Variants in NPY2R observed in about 807,000 individuals in gnomAD.
The protein encoded by NPY2R is neuropeptide Y receptor type 2.
In NPY2R, 17 loss-of-function variants were observed where a neutral mutation model predicts 22.3. The observed-to-expected ratio is 0.76, with a 90% CI of 0.52 to 1.14. NPY2R has a LOEUF of 1.14. Ranked by LOEUF, NPY2R falls within the 50% of genes most tolerant of loss-of-function variation. NPY2R has a pLI of 0.00. For missense variants in NPY2R, 424 were observed against 467.9 expected, an observed-to-expected ratio of 0.91 and a Z score of 0.87; for synonymous variants, 209 against 183.4, an observed-to-expected ratio of 1.14 and a Z score of -1.13.
upstream of NPY2R, chr4:155,208,371 C>G (rs922860793): frequency 1.3e-5 from 2 of 152,398 alleles, no homozygotes; most frequent in African/African-American, 4.8e-5. The surrounding 1 kb of genome is among the most constrained non-coding windows in gnomAD (Gnocchi z 5.6). Context: ...TCGCCTTTTC[C>G]CGGGGCGGAT....
At chr4:155,209,698 C>T (rs73855387) in intron 1 of NPY2R, among the ~76,000 whole-genome samples, 3,282 of 152,174 alleles carry the variant, frequency 0.022, 106 homozygotes, top group African/African-American at 0.073. Context: ...CTCCCCTGCC[C>T]CCATTCCTAG....
chr4:155,194,227 T>A, the NPY2R span, among the ~76,000 whole-genome samples: 3 of 151,888 alleles, frequency 2.0e-5, no homozygotes, highest in African/African-American at 2.4e-5. Flanking sequence ...AAATAATAAT[T>A]GTTTTATATA....
the NPY2R span, among the ~76,000 whole-genome samples, chr4:155,187,823 G>A: frequency 6.6e-6 from 1 of 152,106 alleles, no homozygotes; most frequent in Admixed American, 6.6e-5. Flanking sequence ...GATTGTCAAT[G>A]TAGTTGCAAA....
rs1484986619 is a variant in NPY2R, at chr4:155,216,216, T to C, written c.*1131T>C. 6.0e-6 allele frequency: 1 copy of C among 167,038 alleles called. No homozygotes were observed. Among genetic ancestry groups the C allele is most frequent in the Non-Finnish European group, 1.5e-5 (1 of 68,060 alleles). The allele number at this position is 167,038 out of a possible 1,614,324, so 10.3% of individuals were successfully genotyped here. A position where few individuals can be genotyped will look rare whatever the true frequency, so the allele number is the denominator to read the frequency against. ...GCAAATGTTGTATTTCAAACCAGTTTCACATAAGTTATTTGTCTTCTTTTC... is the reference window on the plus strand; with the variant it reads ...GCAAATGTTGTATTTCAAACCAGTTCCACATAAGTTATTTGTCTTCTTTTC... On this transcript the variant is annotated 3_prime_UTR_variant, in exon 2 of 2. Coordinates refer to ENST00000329476, the MANE Select transcript of NPY2R (RefSeq NM_000910.4).
At chr4:155,185,044 A>ATTTTTTT in the NPY2R span, among the ~76,000 whole-genome samples, 1 of 140,616 alleles carries the variant, frequency 7.1e-6, no homozygotes, top group African/African-American at 2.6e-5. Context: ...ATATATATAT[A>ATTTTTTT]TTTTTTTTTT....
intron 1 of NPY2R, among the ~76,000 whole-genome samples, chr4:155,210,907 GT>G (rs1229970683): frequency 1.3e-5 from 2 of 152,026 alleles, no homozygotes; most frequent in Admixed American, 6.6e-5. Context: ...GAAACAGAAA[GT>G]TTTCTTTATG....
chr4:155,177,091 T>C, the NPY2R span, among the ~76,000 whole-genome samples: 420 of 152,296 alleles, frequency 2.8e-3, 5 homozygotes, highest in African/African-American at 9.6e-3. Context: ...CCCCCCAAAT[T>C]CATGTCCTTC....
chr4:155,191,480 A>AT, the NPY2R span, among the ~76,000 whole-genome samples: 1 of 151,688 alleles, frequency 6.6e-6, no homozygotes, highest in Non-Finnish European at 1.5e-5. Context: ...AAACTTTCCC[A>AT]TTTTTTCAGA....
At chr4:155,187,430 A>G in the NPY2R span, among the ~76,000 whole-genome samples, 1 of 152,260 alleles carries the variant, frequency 6.6e-6, no homozygotes, top group Middle Eastern at 3.4e-3. Context: ...AACATTTTGT[A>G]TGTGCAAATG....
At chr4:155,211,595 C>A (rs561730574) in intron 1 of NPY2R, among the ~76,000 whole-genome samples, 8 of 152,038 alleles carry the variant, frequency 5.3e-5, no homozygotes, top group Admixed American at 1.3e-4. Flanking sequence ...GGTGGGAGAG[C>A]AAATTAATGA....
the NPY2R span, among the ~76,000 whole-genome samples, chr4:155,192,595 C>T: frequency 6.6e-6 from 1 of 151,928 alleles, no homozygotes; most frequent in East Asian, 1.9e-4. Flanking sequence ...TAATATCTCA[C>T]ACACAGTTTT....
chr4:155,182,643 G>A, the NPY2R span, among the ~76,000 whole-genome samples: 32 of 152,126 alleles, frequency 2.1e-4, no homozygotes, highest in East Asian at 5.8e-4. Flanking sequence ...CCTCTTGGTC[G>A]AAAAATATTA....
rs1729526508 is a variant in NPY2R, at chr4:155,216,816, C to A, written c.*1731C>A. ...GACTAGGCAAATTGTTCAAAAATAA[C>A]CTTTTTGTCTTTTAAGTAGCAGTCA... On this transcript the variant is annotated 3_prime_UTR_variant, in exon 2 of 2. Transcript: ENST00000329476. 6.0e-6 allele frequency: 1 copy of A among 166,898 alleles called. No individual in the cohort carries two copies. The highest frequency in any genetic ancestry group is 1.5e-5 in the Non-Finnish European group (1 of 68,050). The allele number at this position is 166,898 out of a possible 1,614,324, so 10.3% of individuals were successfully genotyped here. A position where few individuals can be genotyped will look rare whatever the true frequency, so the allele number is the denominator to read the frequency against.
the NPY2R span, among the ~76,000 whole-genome samples, chr4:155,189,403 T>G: frequency 3.3e-5 from 5 of 152,024 alleles, no homozygotes; most frequent in Admixed American, 3.3e-4. Flanking sequence ...ATTCCTGTCC[T>G]CTGTCCTAGC....
upstream of NPY2R, chr4:155,206,620 T>A (rs1450573009): frequency 6.6e-6 from 1 of 152,240 alleles, no homozygotes; most frequent in African/African-American, 2.4e-5. Flanking sequence ...TGTGGAACTA[T>A]ATGAATCTAC....
rs930632455 is a variant in NPY2R at position 155,215,493 on chromosome 4, T to C, written c.*408T>C. 3.7e-6 allele frequency: 1 copy of C among 273,864 alleles called. No individual in the cohort carries two copies. Among genetic ancestry groups the C allele is most frequent in the African/African-American group, 2.2e-5 (1 of 44,548 alleles). 17.0% of individuals were successfully genotyped at this position (273,864 alleles called of 1,614,324 possible). A position where few individuals can be genotyped will look rare whatever the true frequency, so the allele number is the denominator to read the frequency against. On this transcript the variant is annotated 3_prime_UTR_variant, in exon 2 of 2. Coordinates refer to ENST00000329476, the MANE Select transcript of NPY2R (RefSeq NM_000910.4). ...AGGTGTGCAGTTCGCTGCTCCCTGC[T>C]TGGCTTATGAAAACACCACTGAACA...
At chr4:155,179,376 G>A in the NPY2R span, among the ~76,000 whole-genome samples, 1 of 152,116 alleles carries the variant, frequency 6.6e-6, no homozygotes, top group African/African-American at 2.4e-5. Flanking sequence ...CTTTTAAGTG[G>A]TGTTGAAATT....
the NPY2R span, among the ~76,000 whole-genome samples, chr4:155,186,217 A>G: frequency 6.6e-6 from 1 of 152,174 alleles, no homozygotes; most frequent in African/African-American, 2.4e-5. Flanking sequence ...ACACATTAGA[A>G]AACATGATTC....
At chr4:155,199,839 C>T in the NPY2R span, among the ~76,000 whole-genome samples, 1 of 152,060 alleles carries the variant, frequency 6.6e-6, no homozygotes, top group South Asian at 2.1e-4. Flanking sequence ...TTCCTTACAC[C>T]TTATACAAAA....
Sources: gnomAD v4.1 joint callset for allele counts (sites outside exome capture counted in the v4.1 genomes callset) on GRCh38, gnomAD v4.1.1 for gene constraint, Gnocchi (gnomAD v3.1) non-coding constraint, MANE v1.5 for transcripts, NCBI Gene and HGNC (gene_info 2026-07-23, HGNC 2026-07-21) for gene names.